TMEM132B: variants seen among roughly 807,000 people sequenced by gnomAD.
TMEM132B encodes transmembrane protein 132B.
In TMEM132B, 18 loss-of-function variants were observed where a neutral mutation model predicts 90.8. The ratio of observed to expected loss-of-function variants is 0.20; its 90% CI spans 0.14 to 0.29. TMEM132B has a LOEUF of 0.29. Among genes scored for constraint, TMEM132B ranks in the 10% least tolerant of loss-of-function variants. The probability of loss-of-function intolerance (pLI) is 1.00; values close to 1 mark genes in which losing one functional copy is unlikely to be tolerated. For synonymous variants in TMEM132B, 504 were observed against 523.3 expected, an observed-to-expected ratio of 0.96 and a Z score of 0.50; for missense variants, 1,096 against 1,326.8, an observed-to-expected ratio of 0.83 and a Z score of 2.70.
intron 5 of TMEM132B, among the ~76,000 whole-genome samples, chr12:125,628,930 G>A (rs1195048105): frequency 6.6e-6 from 1 of 152,050 alleles, no homozygotes; most frequent in African/African-American, 2.4e-5. Flanking sequence ...GTATGTTCTT[G>A]GCACGTTTGT....
At chr12:125,550,692 C>A (rs1884205956) in intron 4 of TMEM132B, among the ~76,000 whole-genome samples, 2 of 152,150 alleles carry the variant, frequency 1.3e-5, no homozygotes, top group Admixed American at 1.3e-4. Context: ...AGAGTAACAG[C>A]ACAACATTTC....
At chr12:125,517,841 T>A (rs997806474) in intron 3 of TMEM132B, among the ~76,000 whole-genome samples, 7 of 152,220 alleles carry the variant, frequency 4.6e-5, no homozygotes, top group African/African-American at 1.7e-4. Flanking sequence ...ACAAAGCAGG[T>A]CAGCAGTTGT....
At chr12:125,440,558 G>A (rs1387104282) in intron 3 of TMEM132B, among the ~76,000 whole-genome samples, 1 of 152,126 alleles carries the variant, frequency 6.6e-6, no homozygotes, top group Non-Finnish European at 1.5e-5. Context: ...AAATGAACTA[G>A]TACCTTGCAT....
intron 1 of TMEM132B, among the ~76,000 whole-genome samples, chr12:125,273,076 C>T (rs1234147608): frequency 1.3e-5 from 2 of 152,160 alleles, no homozygotes; most frequent in Non-Finnish European, 2.9e-5. Flanking sequence ...TTATAAATTA[C>T]ACTTAAGGAA....
intron 2 of TMEM132B, among the ~76,000 whole-genome samples, chr12:125,391,200 A>G (rs1428141155): frequency 6.6e-6 from 1 of 152,100 alleles, no homozygotes; most frequent in Non-Finnish European, 1.5e-5. Context: ...TCCTCAGAGA[A>G]TGCCTTCACA....
At chr12:125,380,622 C>T (rs1878652708) in intron 2 of TMEM132B, among the ~76,000 whole-genome samples, 2 of 152,170 alleles carry the variant, frequency 1.3e-5, no homozygotes, top group Non-Finnish European at 2.9e-5. Context: ...CGGTTCTCAC[C>T]GTCAGATCCA....
intron 4 of TMEM132B, among the ~76,000 whole-genome samples, chr12:125,583,162 C>T (rs1314310073): frequency 6.6e-6 from 1 of 152,080 alleles, no homozygotes; most frequent in East Asian, 1.9e-4. Flanking sequence ...GGGAAGTTGG[C>T]AGTGGGGATG....
At chr12:125,600,854 T>C (rs1885552217) in intron 5 of TMEM132B, among the ~76,000 whole-genome samples, 1 of 151,602 alleles carries the variant, frequency 6.6e-6, no homozygotes, top group Admixed American at 6.6e-5. Flanking sequence ...CCAACAAAGA[T>C]AAAAAAAAGA....
At chr12:125,523,383 C>T (rs1018134950) in intron 4 of TMEM132B, among the ~76,000 whole-genome samples, 1 of 152,080 alleles carries the variant, frequency 6.6e-6, no homozygotes, top group African/African-American at 2.4e-5. Context: ...TGACTCTCAT[C>T]TCTGCTTCCA....
intron 5 of TMEM132B, among the ~76,000 whole-genome samples, chr12:125,636,357 T>G (rs1299435237): frequency 6.6e-6 from 1 of 152,198 alleles, no homozygotes; most frequent in East Asian, 1.9e-4. Flanking sequence ...CAGTGTCCGC[T>G]TCCTTCTTGG....
chr12:125,384,997 G>A (rs893950247), intron 2 of TMEM132B, among the ~76,000 whole-genome samples: 42 of 151,958 alleles, frequency 2.8e-4, no homozygotes, highest in Admixed American at 7.9e-4. Flanking sequence ...CATCCTCTCA[G>A]CTCCCCCAGA....
At chr12:125,411,783 C>T (rs1243597751) in intron 2 of TMEM132B, among the ~76,000 whole-genome samples, 1 of 152,166 alleles carries the variant, frequency 6.6e-6, no homozygotes, top group African/African-American at 2.4e-5. Flanking sequence ...CCACCTTGGT[C>T]TTTCCTCTGC....
intron 2 of TMEM132B, among the ~76,000 whole-genome samples, chr12:125,364,028 A>G (rs1878046526): frequency 6.6e-6 from 1 of 152,248 alleles, no homozygotes; most frequent in Non-Finnish European, 1.5e-5. Context: ...GCTTATATCT[A>G]CAGTAGCATA....
intron 6 of TMEM132B, among the ~76,000 whole-genome samples, chr12:125,648,377 G>A (rs1886820407): frequency 6.6e-6 from 1 of 152,068 alleles, no homozygotes; most frequent in Non-Finnish European, 1.5e-5. Flanking sequence ...ACTCAAAGTA[G>A]CAAAGCTTTG....
intron 4 of TMEM132B, among the ~76,000 whole-genome samples, chr12:125,542,156 T>C (rs1883976347): frequency 6.6e-6 from 1 of 152,160 alleles, no homozygotes; most frequent in African/African-American, 2.4e-5. Context: ...AGCATGAATT[T>C]GATTTGCTCT....
At chr12:125,476,096 T>G (rs1168411518) in intron 3 of TMEM132B, among the ~76,000 whole-genome samples, 2 of 152,224 alleles carry the variant, frequency 1.3e-5, no homozygotes, top group Non-Finnish European at 2.9e-5. Context: ...AAAAATTGGA[T>G]GTATGAGTCT....
At chr12:125,534,993 G>A (rs964277415) in intron 4 of TMEM132B, among the ~76,000 whole-genome samples, 13 of 152,296 alleles carry the variant, frequency 8.5e-5, no homozygotes, top group South Asian at 2.1e-4. Flanking sequence ...GTTGGACAGC[G>A]CTGCTATTGA....
intron 4 of TMEM132B, among the ~76,000 whole-genome samples, chr12:125,577,842 G>A (rs879256967): frequency 5.3e-5 from 8 of 151,864 alleles, no homozygotes; most frequent in Non-Finnish European, 8.8e-5. Flanking sequence ...GATTTCTCTT[G>A]TGATTTATTT....
At chr12:125,336,303 T>C (rs1876958388) in intron 1 of TMEM132B, among the ~76,000 whole-genome samples, 1 of 152,232 alleles carries the variant, frequency 6.6e-6, no homozygotes, top group African/African-American at 2.4e-5. Context: ...GACTTATCCA[T>C]GATGCTGCCT....
Sources: gnomAD v4.1 joint callset for allele counts (sites outside exome capture counted in the v4.1 genomes callset) on GRCh38, gnomAD v4.1.1 for gene constraint, MANE v1.5 for transcripts, NCBI Gene and HGNC (gene_info 2026-07-23, HGNC 2026-07-21) for gene names.